The following PTPRG variants were observed in gnomAD, a reference collection of about 807,000 sequenced individuals.
PTPRG encodes the protein protein tyrosine phosphatase receptor type G, also known as receptor-type tyrosine-protein phosphatase gamma.
Under a neutral mutation model 165.3 loss-of-function variants are expected in PTPRG, and 102 were observed. The ratio of observed to expected loss-of-function variants is 0.62; its 90% confidence interval spans 0.53 to 0.73. PTPRG has a LOEUF of 0.73. Ranked by LOEUF, PTPRG falls within the 30% of genes least tolerant of loss-of-function variation. The pLI, the probability that PTPRG is intolerant of heterozygous loss-of-function variation, is 0.00. For synonymous variants in PTPRG, 675 were observed against 669.5 expected (o/e 1.01, Z -0.13); for missense variants, 1,866 against 1,861.4 (o/e 1.00, Z -0.05).
intron 2 of PTPRG, among the ~76,000 whole-genome samples, chr3:61,863,449 T>C (rs1202313748): frequency 6.6e-6 from 1 of 152,256 alleles, no homozygotes; most frequent in Admixed American, 6.5e-5. Context: ...GCTTAAACTT[T>C]GGGAGCAAGG....
intron 5 of PTPRG, among the ~76,000 whole-genome samples, chr3:62,129,132 G>C (rs1436430281): frequency 6.6e-6 from 1 of 152,162 alleles, no homozygotes; most frequent in Non-Finnish European, 1.5e-5. Context: ...CATTTGTGCA[G>C]TTGTTTAGAA....
intron 7 of PTPRG, 105 bp from the exon 8 acceptor site, chr3:62,167,866 G>T: frequency 8.5e-7 from 1 of 1,177,648 alleles, no homozygotes; most frequent in Non-Finnish European, 1.2e-6. Flanking sequence ...ACCGTTTCAT[G>T]CTCTTATCAC....
In PTPRG at chr3:62,146,631, TA is replaced by T. The variant is rs3073630; in HGVS notation, c.683-10421del. On this transcript the variant is annotated intron_variant, in intron 6 of 29. Transcript: ENST00000474889. ...GCTCATATGTATTGCCTGTTGCTTT[TA>T]AAAAAAAAAAAAAATACGCCGCCCT... Among the ~76,000 whole-genome samples the T allele has an allele frequency of 9.0e-3, 1,309 of 145,912 alleles. 1 individual carries two copies. Among genetic ancestry groups the T allele is most frequent in the Non-Finnish European group, 0.011 (721 of 66,168 alleles).
chr3:61,807,535 G>A (rs571375248), intron 2 of PTPRG, among the ~76,000 whole-genome samples: 1 of 152,242 alleles, frequency 6.6e-6, no homozygotes, highest in African/African-American at 2.4e-5. Flanking sequence ...CAGAGGTCTT[G>A]ATCAGTGCAA....
chr3:61,744,697 GA>G (rs1166293125), intron 1 of PTPRG, among the ~76,000 whole-genome samples: 1 of 152,124 alleles, frequency 6.6e-6, no homozygotes, highest in African/African-American at 2.4e-5. Flanking sequence ...GAACAAAAGG[GA>G]AAACTAAATA....
At chr3:62,165,946 C>G (rs920359953) in intron 7 of PTPRG, among the ~76,000 whole-genome samples, 1 of 152,026 alleles carries the variant, frequency 6.6e-6, no homozygotes, top group Non-Finnish European at 1.5e-5. Context: ...TGCAGAAACC[C>G]AGAGAGTGAT....
intron 2 of PTPRG, among the ~76,000 whole-genome samples, chr3:61,866,923 G>A (rs1413484960): frequency 6.6e-6 from 1 of 152,102 alleles, no homozygotes; most frequent in African/African-American, 2.4e-5. Flanking sequence ...TTCTAACAAC[G>A]TCTGTGTTTG....
At chr3:62,100,437 C>T (rs534122469) in intron 5 of PTPRG, among the ~76,000 whole-genome samples, 14 of 152,058 alleles carry the variant, frequency 9.2e-5, no homozygotes, top group Admixed American at 3.9e-4. Context: ...GAATGAAAAC[C>T]CACCCCTACG....
chr3:61,691,688 A>C (rs2106659979), intron 1 of PTPRG, among the ~76,000 whole-genome samples: 1 of 152,362 alleles, frequency 6.6e-6, no homozygotes, highest in East Asian at 1.9e-4. Context: ...ATGGATAAAC[A>C]AATTTTGGAA....
intron 2 of PTPRG, among the ~76,000 whole-genome samples, chr3:61,904,740 C>T (rs1435648467): frequency 6.6e-6 from 1 of 152,072 alleles, no homozygotes; most frequent in Admixed American, 6.5e-5. Context: ...TCTGTAGAAG[C>T]CAAGAAAGGC....
intron 4 of PTPRG, among the ~76,000 whole-genome samples, chr3:62,071,367 T>C (rs1021706352): frequency 6.6e-6 from 1 of 152,200 alleles, no homozygotes; most frequent in Admixed American, 6.5e-5. Context: ...TTTGCTTCCA[T>C]GATCACAGCA....
At chr3:62,165,848 G>T (rs1464095546) in intron 7 of PTPRG, among the ~76,000 whole-genome samples, 1 of 152,118 alleles carries the variant, frequency 6.6e-6, no homozygotes, top group African/African-American at 2.4e-5. Context: ...AGACTGTTTG[G>T]AAGCAGGTCA....
chr3:61,741,136 T>G (rs963988080), intron 1 of PTPRG, among the ~76,000 whole-genome samples: 6 of 152,374 alleles, frequency 3.9e-5, no homozygotes, highest in Non-Finnish European at 7.3e-5. Flanking sequence ...TTTAATGTTC[T>G]TAAATGCTCT....
intron 1 of PTPRG, among the ~76,000 whole-genome samples, chr3:61,660,566 T>G (rs1439459589): frequency 6.6e-6 from 1 of 152,216 alleles, no homozygotes; most frequent in Non-Finnish European, 1.5e-5. Flanking sequence ...TCCCTGAGCC[T>G]CAGTTTCTCA....
chr3:61,789,192 C>T (rs1246778569), intron 2 of PTPRG, among the ~76,000 whole-genome samples: 7 of 152,064 alleles, frequency 4.6e-5, no homozygotes, highest in South Asian at 2.1e-4. Flanking sequence ...CTTGATGTCT[C>T]GGGCTCAGGT....
intron 5 of PTPRG, among the ~76,000 whole-genome samples, chr3:62,088,340 A>C (rs1701818186): frequency 6.6e-6 from 1 of 152,228 alleles, no homozygotes; most frequent in Non-Finnish European, 1.5e-5. Context: ...GACTGAAGAT[A>C]TCAGAATATC....
intron 2 of PTPRG, among the ~76,000 whole-genome samples, chr3:61,871,357 A>G (rs1048629705): frequency 1.3e-5 from 2 of 152,106 alleles, no homozygotes; most frequent in Non-Finnish European, 2.9e-5. Context: ...CCTCCCAAGT[A>G]GATGGGACCA....
At chr3:61,756,386 A>G (rs1249650676) in intron 2 of PTPRG, among the ~76,000 whole-genome samples, 1 of 152,200 alleles carries the variant, frequency 6.6e-6, no homozygotes, top group Non-Finnish European at 1.5e-5. Context: ...CCAAGGGTAG[A>G]TGGTGTAAGA....
At chr3:61,567,686 A>G (rs532009272) in intron 1 of PTPRG, among the ~76,000 whole-genome samples, 1 of 143,436 alleles carries the variant, frequency 7.0e-6, no homozygotes, top group South Asian at 2.2e-4. Context: ...AAAAAAAATT[A>G]AAAGATCAAA....
Sources: allele counts gnomAD v4.1 joint callset (sites outside exome capture counted in the v4.1 genomes callset), GRCh38; gene constraint gnomAD v4.1.1; transcripts MANE v1.5; gene names NCBI Gene and HGNC (gene_info 2026-07-23, HGNC 2026-07-21).